The following CNTNAP3B variants were observed in gnomAD, a reference collection of about 807,000 sequenced individuals.
CNTNAP3B encodes the protein contactin associated protein family member 3B, also known as contactin-associated protein-like 3B.
Under a neutral mutation model 108.9 loss-of-function variants are expected in CNTNAP3B, and 25 were observed. The ratio of observed to expected loss-of-function variants is 0.23; its 90% CI spans 0.17 to 0.32. The LOEUF is 0.32. CNTNAP3B is among the 10% of genes least tolerant of loss of function. CNTNAP3B has a pLI of 1.00. For synonymous variants in CNTNAP3B, 103 were observed against 473.4 expected (o/e 0.22, Z 10.16); for missense variants, 252 against 1,210.4 (o/e 0.21, Z 11.75).
chr9:41,946,004 C>A, intron 13 of CNTNAP3B, among the ~76,000 whole-genome samples: 1 of 152,260 alleles, frequency 6.6e-6, no homozygotes, highest in Non-Finnish European at 1.5e-5. Context: ...GGGCATTACA[C>A]AATAATAAAG....
chr9:41,932,841 G>T (rs1206481973), intron 14 of CNTNAP3B, among the ~76,000 whole-genome samples: 1 of 152,198 alleles, frequency 6.6e-6, no homozygotes, highest in Non-Finnish European at 1.5e-5. Flanking sequence ...TTATTTTGGG[G>T]GAGTAGGTCA....
chr9:42,097,171 G>A (rs1827918926), intron 2 of CNTNAP3B, among the ~76,000 whole-genome samples: 1 of 140,046 alleles, frequency 7.1e-6, no homozygotes, highest in South Asian at 2.3e-4. Flanking sequence ...ATTATTCTAT[G>A]GTTATTCCAG....
At chr9:42,084,604 T>TAAAAAA (rs893308620) in intron 2 of CNTNAP3B, among the ~76,000 whole-genome samples, 1 of 29,820 alleles carries the variant, frequency 3.4e-5, no homozygotes. Flanking sequence ...GTCCACCCCC[T>TAAAAAA]AAAAAAAAAG....
intron 10 of CNTNAP3B, among the ~76,000 whole-genome samples, chr9:41,969,631 G>T (rs1369940192): frequency 6.6e-6 from 1 of 152,162 alleles, no homozygotes; most frequent in African/African-American, 2.4e-5. Context: ...TTTTGTTTTT[G>T]TTTTGAGACC....
intron 17 of CNTNAP3B, among the ~76,000 whole-genome samples, chr9:41,921,332 G>GA (rs1290248205): frequency 6.6e-6 from 1 of 152,216 alleles, no homozygotes; most frequent in African/African-American, 2.4e-5. Context: ...CATGTCCTTT[G>GA]AAAAAGCCTC....
At position 42,110,283 on chromosome 9, in the gene CNTNAP3B, G is replaced by T. The variant is rs866367972; in HGVS notation, c.86-5544C>A. Reference sequence around the variant, plus strand: ...TCTGAGAAGGGCTTCGTGATGCTAAGCCACTCTGCCAGGCTGTGGCTCTCC... The same window carrying T: ...TCTGAGAAGGGCTTCGTGATGCTAATCCACTCTGCCAGGCTGTGGCTCTCC... On this transcript the variant is annotated intron_variant, in intron 1 of 23. Coordinates refer to ENST00000377561, the MANE Select transcript of CNTNAP3B (RefSeq NM_001201380.3). Among the ~76,000 whole-genome samples, 37 of 136,632 alleles carry T rather than the reference G, an allele frequency of 2.7e-4. 5 individuals are homozygous for T. Among genetic ancestry groups the T allele is most frequent in the Middle Eastern group, 7.2e-3 (2 of 276 alleles). The allele number at this position is 136,632 out of a possible 152,430, so 89.6% of individuals were successfully genotyped here.
At chr9:41,924,429 G>A (rs930596155) in intron 15 of CNTNAP3B, among the ~76,000 whole-genome samples, 2 of 152,300 alleles carry the variant, frequency 1.3e-5, no homozygotes, top group Admixed American at 6.5e-5. Flanking sequence ...TGAAGAACTC[G>A]GTAAGATGTG....
rs1205298492 is a variant in CNTNAP3B at position 42,006,019 on chromosome 9, C to T, written c.538+7359G>A. On this transcript the variant is annotated intron_variant, in intron 4 of 23. Coordinates refer to ENST00000377561, the MANE Select transcript of CNTNAP3B (RefSeq NM_001201380.3). ...TTCAAAAAAATGTTTTGGCAAAGGC[C>T]TTCAAATCTCAGTTGGGACTAGTGA... Among the ~76,000 whole-genome samples, 14 of 37,664 alleles carry T rather than the reference C, an allele frequency of 3.7e-4. 5 individuals are homozygous for T. The highest frequency in any genetic ancestry group is 9.2e-4 in the African/African-American group (14 of 15,172). 24.7% of individuals were successfully genotyped at this position (37,664 alleles called of 152,430 possible).
intron 1 of CNTNAP3B, among the ~76,000 whole-genome samples, chr9:42,111,160 G>A (rs1341131233): frequency 7.2e-6 from 1 of 139,094 alleles, no homozygotes; most frequent in Non-Finnish European, 1.5e-5. Context: ...TTCCAGGATG[G>A]TCAGGAAGCC....
chr9:41,969,034 G>A (rs1202522125), intron 10 of CNTNAP3B, among the ~76,000 whole-genome samples: 10 of 152,292 alleles, frequency 6.6e-5, no homozygotes, highest in Admixed American at 5.9e-4. Context: ...CTGACCTCGT[G>A]ATCCGCCCGC....
At chr9:41,963,935 A>C (rs1254576966) in intron 11 of CNTNAP3B, among the ~76,000 whole-genome samples, 3 of 152,178 alleles carry the variant, frequency 2.0e-5, no homozygotes, top group Non-Finnish European at 2.9e-5. Flanking sequence ...TACTCAATAC[A>C]TTAATACTTT....
chr9:42,110,202 A>G lies in CNTNAP3B; in HGVS notation c.86-5463T>C, dbSNP rs1346876564. On this transcript the variant is annotated intron_variant, in intron 1 of 23. Coordinates refer to ENST00000377561, the MANE Select transcript of CNTNAP3B (RefSeq NM_001201380.3). Reference sequence around the variant, plus strand: ...GGATATTTTAGGGCAAATGCAGGAGAGTTCCACTGAAAATACGTTTAACAT... The same window carrying G: ...GGATATTTTAGGGCAAATGCAGGAGGGTTCCACTGAAAATACGTTTAACAT... 1.5e-5 allele frequency among the ~76,000 whole-genome samples: 2 copies of G among 130,980 alleles called. 1 individual carries two copies. The highest frequency in any genetic ancestry group is 6.2e-5 in the African/African-American group (2 of 32,450). The allele number at this position is 130,980 out of a possible 152,430, so 85.9% of individuals were successfully genotyped here.
At chr9:42,119,750 G>A (rs1394402714) in intron 1 of CNTNAP3B, among the ~76,000 whole-genome samples, 4 of 140,176 alleles carry the variant, frequency 2.9e-5, no homozygotes, top group Non-Finnish European at 6.2e-5. Context: ...AATAAATGGT[G>A]CTGGGAAAAC....
intron 13 of CNTNAP3B, among the ~76,000 whole-genome samples, chr9:41,939,444 T>C (rs1284279725): frequency 6.6e-6 from 1 of 152,370 alleles, no homozygotes; most frequent in Non-Finnish European, 1.5e-5. Context: ...CATTCATAGA[T>C]AAGATCTCTG....
chr9:41,934,130 C>CAT (rs1253743490), intron 14 of CNTNAP3B, among the ~76,000 whole-genome samples: 1,647 of 116,334 alleles, frequency 0.014, 19 homozygotes, highest in African/African-American at 0.029. Context: ...TATACACACA[C>CAT]ATATATATAT....
intron 13 of CNTNAP3B, among the ~76,000 whole-genome samples, chr9:41,942,344 C>T (rs1210097680): frequency 5.2e-5 from 8 of 152,394 alleles, no homozygotes; most frequent in Non-Finnish European, 1.0e-4. Context: ...GGTGAGGTGG[C>T]TCAAGCCTGT....
rs1463932989 is a variant in CNTNAP3B, at chr9:42,097,875, G to C, written c.196+6754C>G. Among the ~76,000 whole-genome samples, 4 of 138,030 alleles carry C rather than the reference G, an allele frequency of 2.9e-5. 1 individual carries two copies. Among genetic ancestry groups the C allele is most frequent in the Non-Finnish European group, 6.2e-5 (4 of 64,660 alleles). 90.6% of individuals were successfully genotyped at this position (138,030 alleles called of 152,430 possible). A position where few individuals can be genotyped will look rare whatever the true frequency, so the allele number is the denominator to read the frequency against. ...ACTTTGCTAAGCATTTATTTAATTA[G>C]GGAAAGCTTCAAAAGTTGAAGTCCA... On this transcript the variant is annotated intron_variant, in intron 2 of 23. Transcript: ENST00000377561.
chr9:42,001,569 T>C (rs1826006413), intron 4 of CNTNAP3B, among the ~76,000 whole-genome samples: 1 of 136,672 alleles, frequency 7.3e-6, no homozygotes, highest in South Asian at 2.3e-4. Context: ...TGAAATTCAA[T>C]TATATAAATA....
chr9:41,969,620 T>G (rs2118261152), intron 10 of CNTNAP3B, among the ~76,000 whole-genome samples: 2 of 152,260 alleles, frequency 1.3e-5, no homozygotes, highest in South Asian at 4.1e-4. Context: ...AGAGATGCAG[T>G]TTTTGTTTTT....
Sources: gnomAD v4.1 joint callset for allele counts (sites outside exome capture counted in the v4.1 genomes callset) on GRCh38, gnomAD v4.1.1 for gene constraint, MANE v1.5 for transcripts, NCBI Gene and HGNC (gene_info 2026-07-23, HGNC 2026-07-21) for gene names.